IFT57: variants seen among roughly 807,000 people sequenced by gnomAD.
IFT57 encodes intraflagellar transport protein 57 homolog.
Under a neutral mutation model 56.8 loss-of-function variants are expected in IFT57, and 59 were observed. The observed-to-expected ratio is 1.04, with a 90% CI of 0.84 to 1.29. The LOEUF is 1.29. IFT57 is among the 50% of genes most tolerant of loss of function. The pLI is 0.00. For missense variants in IFT57, 470 were observed against 522.1 expected (o/e 0.90, Z 0.97); for synonymous variants, 209 against 186.1 (o/e 1.12, Z -1.00).
intron 6 of IFT57, among the ~76,000 whole-genome samples, chr3:108,180,938 T>C (rs901248104): frequency 6.6e-6 from 1 of 152,024 alleles, no homozygotes; most frequent in Non-Finnish European, 1.5e-5. Context: ...ATCACAAATA[T>C]CTAGTTGAGG....
At chr3:108,221,805 C>T (rs917505667) in intron 1 of IFT57, among the ~76,000 whole-genome samples, 3 of 152,038 alleles carry the variant, frequency 2.0e-5, no homozygotes, top group Admixed American at 6.5e-5. Context: ...TTCATCTTTA[C>T]AATCAGAAAA....
intron 6 of IFT57, among the ~76,000 whole-genome samples, chr3:108,168,708 T>C (rs1333970457): frequency 6.6e-6 from 1 of 152,016 alleles, no homozygotes; most frequent in East Asian, 1.9e-4. Flanking sequence ...TGTGTTCTCA[T>C]TGTTCAACTC....
chr3:108,179,519 C>T (rs1282785813), intron 6 of IFT57, among the ~76,000 whole-genome samples: 1 of 151,994 alleles, frequency 6.6e-6, no homozygotes, highest in Non-Finnish European at 1.5e-5. Flanking sequence ...AATAAAAGAA[C>T]ATTATCTGTA....
At chr3:108,172,338 TG>T (rs1485638631) in intron 6 of IFT57, among the ~76,000 whole-genome samples, 57 of 151,976 alleles carry the variant, frequency 3.8e-4, no homozygotes, top group African/African-American at 1.3e-3. Flanking sequence ...CTGGGGAGGA[TG>T]GATCACAAGA....
rs534447440 is a variant in IFT57, at chr3:108,219,628, T to A, written c.213-56A>T. The A allele has an allele frequency of 3.3e-5, 50 of 1,533,506 alleles. No homozygotes were observed. The African/African-American group carries it at 6.4e-4, about 20-fold the overall frequency. 95.0% of individuals were successfully genotyped at this position (1,533,506 alleles called of 1,614,324 possible). ...ATGTGAAATAATGCAAATAAGTCTATAATAACTAATAGGGCCGAATTCACA... is the reference window on the plus strand; with the variant it reads ...ATGTGAAATAATGCAAATAAGTCTAAAATAACTAATAGGGCCGAATTCACA... On this transcript the variant is annotated intron_variant, in intron 1 of 10. Transcript: ENST00000264538.
intron 6 of IFT57, among the ~76,000 whole-genome samples, chr3:108,178,605 G>A (rs1161895970): frequency 6.6e-6 from 1 of 151,878 alleles, no homozygotes; most frequent in Admixed American, 6.6e-5. Context: ...CACAAAAGAA[G>A]ATATCCAAAA....
intron 3 of IFT57, 38 bp from the exon 4 acceptor site, chr3:108,214,059 A>T (rs1162542414): frequency 1.6e-6 from 2 of 1,254,310 alleles, no homozygotes; most frequent in South Asian, 2.6e-5. Context: ...GATAATTTTA[A>T]TATTTAGTAA....
chr3:108,218,166 C>T (rs2080383755), intron 3 of IFT57, among the ~76,000 whole-genome samples: 1 of 151,826 alleles, frequency 6.6e-6, no homozygotes, highest in African/African-American at 2.4e-5. Context: ...TTCCATTTTT[C>T]CTTAAATCTG....
chr3:108,166,999 G>A lies in IFT57; in HGVS notation c.850-14C>T. The A allele has an allele frequency of 1.3e-6, 2 of 1,598,820 alleles. No homozygotes were observed. Among genetic ancestry groups the A allele is most frequent in the Non-Finnish European group, 1.7e-6 (2 of 1,172,798 alleles). ...GTCCAAAAATCCCTAGAAATTCCAT[G>A]GAATTTGCAGATAGAAGAACTCACA... On this transcript the variant is annotated splice_polypyrimidine_tract_variant and intron_variant, in intron 7 of 10. Coordinates refer to ENST00000264538, the MANE Select transcript of IFT57 (RefSeq NM_018010.4).
intron 7 of IFT57, chr3:108,167,188 C>A (rs953867420): frequency 9.9e-6 from 5 of 507,584 alleles, no homozygotes; most frequent in Middle Eastern, 5.2e-4. Flanking sequence ...AATAAAAATG[C>A]ACCTGGCAGT....
intron 6 of IFT57, among the ~76,000 whole-genome samples, chr3:108,178,986 T>C (rs1327729592): frequency 1.3e-5 from 2 of 151,750 alleles, no homozygotes; most frequent in Non-Finnish European, 2.9e-5. Context: ...AGAATTTTCA[T>C]AGCAGCATTA....
intron 6 of IFT57, among the ~76,000 whole-genome samples, chr3:108,190,416 C>T (rs983272274): frequency 1.3e-5 from 2 of 152,112 alleles, no homozygotes; most frequent in Non-Finnish European, 2.9e-5. Context: ...GTATGGTTTC[C>T]CCATGGGGTT....
intron 4 of IFT57, among the ~76,000 whole-genome samples, chr3:108,209,634 T>C (rs566666023): frequency 1.3e-5 from 2 of 152,280 alleles, no homozygotes; most frequent in East Asian, 3.9e-4. Flanking sequence ...CTATCACCAA[T>C]GCGGATGGGC....
chr3:108,181,098 A>G (rs972444743), intron 6 of IFT57, among the ~76,000 whole-genome samples: 5 of 152,038 alleles, frequency 3.3e-5, no homozygotes, highest in African/African-American at 1.2e-4. Context: ...TCATTCTCTT[A>G]TTTCAACTTG....
intron 5 of IFT57, among the ~76,000 whole-genome samples, chr3:108,201,651 A>T (rs1012074160): frequency 1.3e-5 from 2 of 152,260 alleles, no homozygotes; most frequent in Admixed American, 6.5e-5. Context: ...TTAAGCAGGA[A>T]TCAAAAATTA....
intron 6 of IFT57, among the ~76,000 whole-genome samples, chr3:108,177,475 C>T (rs563949405): frequency 1.3e-5 from 2 of 151,762 alleles, no homozygotes; most frequent in Non-Finnish European, 3.0e-5. Context: ...ATTAGCAAAT[C>T]AAACCCAGTG....
rs748334509 is a variant in IFT57 at position 108,206,676 on chromosome 3, T to C, written c.606A>G (p.Glu202=). ...AAACGTTGAGATCAATAAAGTTTTC[T>C]TCATTATCTGTCTCTTCTTCCTTAG... ...EEFVEEETDN[E]ENFIDLNVLK... is the part of the protein sequence containing the mutation. The change falls in exon 5 of 11, where the codon GAA becomes GAG. Residue 202 remains glutamate, a synonymous_variant. Transcript: ENST00000264538. The C allele has an allele frequency of 3.7e-6, 5 of 1,360,690 alleles. No individual in the cohort carries two copies. Among genetic ancestry groups the C allele is most frequent in the Non-Finnish European group, 4.9e-6 (5 of 1,020,924 alleles). The allele number at this position is 1,360,690 out of a possible 1,614,324, so 84.3% of individuals were successfully genotyped here.
At chr3:108,167,537 T>A (rs1379858622) in intron 7 of IFT57, among the ~76,000 whole-genome samples, 1 of 150,364 alleles carries the variant, frequency 6.7e-6, no homozygotes, top group Non-Finnish European at 1.5e-5. Flanking sequence ...GAAATGTTTC[T>A]CTCTAATATA....
rs149528575 is a variant in IFT57 at position 108,209,183 on chromosome 3, T to C, written c.586-2487A>G. ...TAATTGTTATGAATATATTCGTATG[T>C]ATTTTTGTTTTCTTTACTCTTATTC... is the stretch of plus-strand genomic sequence containing the variant. On this transcript the variant is annotated intron_variant, in intron 4 of 10. Coordinates refer to ENST00000264538, the MANE Select transcript of IFT57 (RefSeq NM_018010.4). Among the ~76,000 whole-genome samples the C allele has an allele frequency of 1.9e-4, 29 of 152,360 alleles. No individual in the cohort carries two copies. In the East Asian group the frequency reaches 5.6e-3, roughly 29 times the overall value.
Sources: gnomAD v4.1 joint callset for allele counts (sites outside exome capture counted in the v4.1 genomes callset) on GRCh38, gnomAD v4.1.1 for gene constraint, MANE v1.5 for transcripts, NCBI Gene and HGNC (gene_info 2026-07-23, HGNC 2026-07-21) for gene names.